Variants in MAP4K4 observed in about 807,000 individuals in gnomAD.
MAP4K4 encodes the protein mitogen-activated protein kinase kinase kinase kinase 4, also known as HPK/GCK-like kinase HGK.
A neutral mutation model predicts 189.6 loss-of-function variants in MAP4K4; 38 were observed. That is an observed-to-expected ratio of 0.20 (90% CI 0.15 to 0.26). The LOEUF (loss-of-function observed/expected upper bound fraction) is 0.26. Among genes scored for constraint, MAP4K4 ranks in the 10% least tolerant of loss-of-function variants. The pLI is 1.00. For missense variants in MAP4K4, 1,054 were observed against 1,726.9 expected, an observed-to-expected ratio of 0.61 and a Z score of 6.91; for synonymous variants, 610 against 624.3, an observed-to-expected ratio of 0.98 and a Z score of 0.34.
intron 23 of MAP4K4, 194 bp downstream of exon 23, chr2:101,870,609 T>G: frequency 1.6e-6 from 1 of 620,202 alleles, no homozygotes; most frequent in South Asian, 2.0e-5. Context: ...GCGAGTAGTC[T>G]CCACCCCACA....
chr2:101,719,065 T>G (rs1287323257), intron 2 of MAP4K4, among the ~76,000 whole-genome samples: 1 of 152,206 alleles, frequency 6.6e-6, no homozygotes, highest in Non-Finnish European at 1.5e-5. Flanking sequence ...TTTCTGAGGC[T>G]CACAGGATGT....
At chr2:101,763,359 T>A (rs1463486133) in intron 2 of MAP4K4, among the ~76,000 whole-genome samples, 2 of 152,250 alleles carry the variant, frequency 1.3e-5, no homozygotes, top group Non-Finnish European at 2.9e-5. Flanking sequence ...CACAGTTAAG[T>A]TATTAATATA....
At chr2:101,791,380 A>G (rs1165029929) in intron 3 of MAP4K4, among the ~76,000 whole-genome samples, 5 of 152,166 alleles carry the variant, frequency 3.3e-5, no homozygotes, top group Non-Finnish European at 5.9e-5. Context: ...AAGTAAATGT[A>G]TGTGTGCCTG....
chr2:101,813,895 C>T lies in MAP4K4; in HGVS notation c.181-10033C>T, dbSNP rs141984114. On this transcript the variant is annotated intron_variant, in intron 3 of 32. Transcript: ENST00000324219. ...ATCTTGGTCAAGTGTAGTAGTTTTT[C>T]CATTGGGACTTTGAAGCTTTTGATT... Among the ~76,000 whole-genome samples the T allele has an allele frequency of 9.2e-3, 1,395 of 152,272 alleles. 31 individuals carry two copies. Among genetic ancestry groups the T allele is most frequent in the African/African-American group, 0.032 (1,345 of 41,554 alleles).
chr2:101,726,930 TG>T (rs1242338132), intron 2 of MAP4K4, among the ~76,000 whole-genome samples: 1 of 152,184 alleles, frequency 6.6e-6, no homozygotes, highest in Non-Finnish European at 1.5e-5. Flanking sequence ...TTCTTGTTGA[TG>T]GAGGCTCTCT....
At chr2:101,697,993 G>A in exon 1 of MAP4K4, 1 of 917,392 alleles carries the variant, frequency 1.1e-6, no homozygotes, top group Non-Finnish European at 1.5e-6. Flanking sequence ...CGCGCGAGGA[G>A]CGCGGTCGGC....
At chr2:101,844,128 T>C in exon 12 of MAP4K4, 1 of 1,612,478 alleles carries the variant, frequency 6.2e-7, no homozygotes, top group Non-Finnish European at 8.5e-7. Context: ...CTGGTGAGTC[T>C]ACTCTTCGCC....
intron 6 of MAP4K4, among the ~76,000 whole-genome samples, chr2:101,830,638 T>C (rs187746135): frequency 1.2e-4 from 19 of 152,256 alleles, no homozygotes; most frequent in Non-Finnish European, 2.4e-4. Context: ...ATCTGCCCAA[T>C]TGGAAACTCC....
chr2:101,878,833 T>C (rs1188171175), intron 27 of MAP4K4, among the ~76,000 whole-genome samples: 1 of 152,180 alleles, frequency 6.6e-6, no homozygotes, highest in Non-Finnish European at 1.5e-5. Context: ...ATGTAACATA[T>C]TTGCTTGAAG....
In MAP4K4 at chr2:101,797,373, A is replaced by G. The variant is rs183771304; in HGVS notation, c.180+6597A>G. ...GGCAGACTTACCACAGGATCATTCA[A>G]CGTTGTCAGGGTGAGCCAGAAATGT... On this transcript the variant is annotated intron_variant, in intron 3 of 32. Transcript: ENST00000324219. 54 of 1,290,724 alleles carry G rather than the reference A, an allele frequency of 4.2e-5. No homozygotes were observed. The African/African-American group carries it at 5.5e-4, about 13-fold the overall frequency. The allele number at this position is 1,290,724 out of a possible 1,614,324, so 80.0% of individuals were successfully genotyped here.
At chr2:101,798,889 C>G (rs1211636371) in intron 3 of MAP4K4, among the ~76,000 whole-genome samples, 2 of 152,148 alleles carry the variant, frequency 1.3e-5, no homozygotes, top group Non-Finnish European at 2.9e-5. Context: ...ATTTTAGATG[C>G]TAACATTAAT....
intron 2 of MAP4K4, among the ~76,000 whole-genome samples, chr2:101,729,495 C>A (rs2057437760): frequency 6.6e-6 from 1 of 152,070 alleles, no homozygotes; most frequent in African/African-American, 2.4e-5. Context: ...AGGCTGCAGT[C>A]AAGATAGTTT....
At chr2:101,855,897 A>T in intron 12 of MAP4K4, 80 bp from the exon 13 acceptor site, 1 of 1,390,254 alleles carries the variant, frequency 7.2e-7, no homozygotes, top group South Asian at 1.4e-5. Flanking sequence ...TCCACCTGGC[A>T]CTGACTGATC....
intron 15 of MAP4K4, 44 bp downstream of exon 15, chr2:101,859,908 G>C: frequency 1.3e-6 from 2 of 1,529,976 alleles, no homozygotes; most frequent in Non-Finnish European, 1.8e-6. Flanking sequence ...CTGGAAAGTC[G>C]TATAACGACT....
chr2:101,831,291 T>A (rs1204497562), intron 6 of MAP4K4, among the ~76,000 whole-genome samples: 2 of 152,204 alleles, frequency 1.3e-5, no homozygotes, highest in Non-Finnish European at 1.5e-5. Flanking sequence ...CAAGAAAACT[T>A]TCGTGAAATT....
intron 18 of MAP4K4, 89 bp downstream of exon 18, chr2:101,865,125 C>T: frequency 2.5e-6 from 2 of 785,320 alleles, no homozygotes; most frequent in Non-Finnish European, 4.1e-6. Context: ...CTCTTAAACA[C>T]AGACGTTCTG....
At chr2:101,792,266 C>T (rs6737685) in intron 3 of MAP4K4, among the ~76,000 whole-genome samples, 4,735 of 152,214 alleles carry the variant, frequency 0.031, 256 homozygotes, top group African/African-American at 0.11. Context: ...TTTATTAACA[C>T]ACTTTTTGAC....
intron 22 of MAP4K4, 48 bp downstream of exon 22, chr2:101,869,845 C>T (rs570619661): frequency 2.9e-4 from 423 of 1,470,248 alleles, no homozygotes; most frequent in Non-Finnish European, 3.7e-4. Flanking sequence ...TCTCTCAGAG[C>T]CTGCTTTCCA....
chr2:101,801,047 G>T (rs2094318406), intron 3 of MAP4K4, among the ~76,000 whole-genome samples: 1 of 152,024 alleles, frequency 6.6e-6, no homozygotes, highest in African/African-American at 2.4e-5. Flanking sequence ...TTAAAAAAAT[G>T]GATACTGTCC....
Sources: allele counts gnomAD v4.1 joint callset (sites outside exome capture counted in the v4.1 genomes callset), GRCh38; gene constraint gnomAD v4.1.1; transcripts MANE v1.5; gene names NCBI Gene and HGNC (gene_info 2026-07-23, HGNC 2026-07-21).